ST3GAL3: variants seen among roughly 807,000 people sequenced by gnomAD.
ST3GAL3 encodes CMP-N-acetylneuraminate-beta-1,4-galactoside alpha-2,3-sialyltransferase.
In ST3GAL3, 21 loss-of-function variants were observed where a neutral mutation model predicts 50.1. The observed-to-expected ratio is 0.42, with a 90% CI of 0.30 to 0.60. The LOEUF is 0.60. Among genes scored for constraint, ST3GAL3 ranks in the 20% least tolerant of loss-of-function variants. The probability of loss-of-function intolerance (pLI) is 0.19; values close to 1 mark genes in which losing one functional copy is unlikely to be tolerated. For synonymous variants in ST3GAL3, 183 were observed against 190.0 expected (o/e 0.96, Z 0.30); for missense variants, 353 against 489.4 (o/e 0.72, Z 2.63).
At chr1:43,804,882 T>A (rs1365715375) in intron 3 of ST3GAL3, among the ~76,000 whole-genome samples, 1 of 152,154 alleles carries the variant, frequency 6.6e-6, no homozygotes, top group East Asian at 1.9e-4. Flanking sequence ...GCCCCCTCAC[T>A]GCAAGGGGTG....
chr1:43,727,138 T>C lies in ST3GAL3; in HGVS notation c.-30-9095T>C, dbSNP rs1266987568. 3.3e-5 allele frequency: 5 copies of C among 152,206 alleles called. No homozygotes were observed. In the East Asian group the frequency reaches 9.6e-4, roughly 29 times the overall value. 9.4% of individuals were successfully genotyped at this position (152,206 alleles called of 1,614,324 possible). ...GCTGAATTGCTCCAGATCTGACCAG[T>C]GGGAGCTCCTCAGGCTGATTCCTTT... On this transcript the variant is annotated intron_variant, in intron 1 of 11. Transcript: ENST00000347631.
chr1:43,793,636 G>T (rs1043470146), intron 3 of ST3GAL3, among the ~76,000 whole-genome samples: 2 of 152,146 alleles, frequency 1.3e-5, no homozygotes, highest in African/African-American at 4.8e-5. Flanking sequence ...AAATGCTGAG[G>T]CTATGAGAAG....
intron 5 of ST3GAL3, chr1:43,841,598 C>T (rs2065389934): frequency 6.6e-6 from 1 of 152,170 alleles, no homozygotes; most frequent in Admixed American, 6.5e-5. Flanking sequence ...GGGGTGAGGC[C>T]CTGGGCCTGA....
intron 5 of ST3GAL3, among the ~76,000 whole-genome samples, chr1:43,867,293 G>C (rs997834613): frequency 1.3e-5 from 2 of 152,200 alleles, no homozygotes; most frequent in African/African-American, 4.8e-5. Context: ...TGGGGACACA[G>C]CCAAACCATA....
intron 5 of ST3GAL3, chr1:43,850,788 G>A (rs1444837741): frequency 1.1e-6 from 1 of 888,282 alleles, no homozygotes; most frequent in Non-Finnish European, 1.9e-6. Context: ...AAATTCCAGA[G>A]TCATAGCTTG....
intron 5 of ST3GAL3, among the ~76,000 whole-genome samples, chr1:43,885,068 C>G (rs552481173): frequency 6.6e-6 from 1 of 152,236 alleles, no homozygotes; most frequent in Admixed American, 6.5e-5. Context: ...TCACCTTATA[C>G]GCTGCACCTT....
At chr1:43,882,046 G>A (rs897959836) in intron 5 of ST3GAL3, among the ~76,000 whole-genome samples, 1 of 152,238 alleles carries the variant, frequency 6.6e-6, no homozygotes, top group African/African-American at 2.4e-5. Flanking sequence ...GTGCTACACA[G>A]CCTGCGGGGG....
chr1:43,822,333 A>T (rs774423416), intron 4 of ST3GAL3, among the ~76,000 whole-genome samples: 1 of 152,168 alleles, frequency 6.6e-6, no homozygotes, highest in Non-Finnish European at 1.5e-5. Context: ...TGGAAGTTTC[A>T]TCTATTTCTG....
intron 9 of ST3GAL3, among the ~76,000 whole-genome samples, chr1:43,903,575 G>C (rs984627733): frequency 1.3e-5 from 2 of 152,188 alleles, no homozygotes; most frequent in African/African-American, 4.8e-5. Flanking sequence ...CAGCCCTGCA[G>C]GGGGAAGAGA....
At chr1:43,826,880 G>T (rs1326099290) in intron 4 of ST3GAL3, among the ~76,000 whole-genome samples, 1 of 152,076 alleles carries the variant, frequency 6.6e-6, no homozygotes, top group Non-Finnish European at 1.5e-5. Context: ...AAAACCATTT[G>T]ATACAATCCA....
At chr1:43,828,424 T>C (rs1452818250) in intron 4 of ST3GAL3, among the ~76,000 whole-genome samples, 1 of 152,164 alleles carries the variant, frequency 6.6e-6, no homozygotes, top group Non-Finnish European at 1.5e-5. Context: ...CCAAAACTTG[T>C]ACTCTGTGAA....
chr1:43,825,336 A>G (rs2062647676), intron 4 of ST3GAL3, among the ~76,000 whole-genome samples: 2 of 152,172 alleles, frequency 1.3e-5, no homozygotes, highest in African/African-American at 4.8e-5. Context: ...ATTTTTTCGA[A>G]CTTTCATTAT....
chr1:43,786,482 T>C (rs1488401683), intron 2 of ST3GAL3, among the ~76,000 whole-genome samples: 1 of 152,188 alleles, frequency 6.6e-6, no homozygotes, highest in Non-Finnish European at 1.5e-5. Context: ...CTTGATCTTT[T>C]CTTAGCTTGC....
intron 2 of ST3GAL3, among the ~76,000 whole-genome samples, chr1:43,782,622 T>A (rs1036658810): frequency 6.6e-6 from 1 of 152,170 alleles, no homozygotes; most frequent in Non-Finnish European, 1.5e-5. Context: ...AGCCACACTG[T>A]CATCAACGGT....
intron 2 of ST3GAL3, among the ~76,000 whole-genome samples, chr1:43,777,666 C>G (rs1697790550): frequency 6.6e-6 from 1 of 152,190 alleles, no homozygotes; most frequent in Non-Finnish European, 1.5e-5. Context: ...AGAAGAAAAT[C>G]TAGGCAATAC....
At chr1:43,767,887 A>C (rs1693696753) in intron 2 of ST3GAL3, among the ~76,000 whole-genome samples, 3 of 152,184 alleles carry the variant, frequency 2.0e-5, no homozygotes. Flanking sequence ...ATAACCTATA[A>C]GCATAGAGGG....
Position 43,930,176 on chromosome 1 carries a change from G to C in ST3GAL3, c.1083G>C (p.Lys361Asn). 6.2e-7 allele frequency: 1 copy of C among 1,614,140 alleles called. No homozygotes were observed. Among genetic ancestry groups the C allele is most frequent in the Non-Finnish European group, 8.5e-7 (1 of 1,180,050 alleles). The change falls in exon 12 of 12, where the codon AAG becomes AAC. Residue 361 changes from lysine (K) to asparagine (N), a missense_variant. Lys to Asn is a moderately conservative substitution (Grantham distance 94). Transcript: ENST00000347631. ...AGCGAGAGAAAGAGTTTCTGCGGAA[G>C]CTGGTGAAAGCTCGCGTCATCACTG... is the stretch of plus-strand genomic sequence containing the variant. ...NIQREKEFLRKLVKARVITDL... is the reference protein window; with the variant it reads ...NIQREKEFLRNLVKARVITDL...
At chr1:43,798,940 G>A (rs1297850943) in intron 3 of ST3GAL3, among the ~76,000 whole-genome samples, 1 of 152,178 alleles carries the variant, frequency 6.6e-6, no homozygotes, top group Non-Finnish European at 1.5e-5. Flanking sequence ...AGTGCTTGAG[G>A]TCAAATAAAT....
At chr1:43,770,177 A>G (rs1694536345) in intron 2 of ST3GAL3, among the ~76,000 whole-genome samples, 1 of 148,974 alleles carries the variant, frequency 6.7e-6, no homozygotes, top group African/African-American at 2.5e-5. Flanking sequence ...TCTTTGTAAG[A>G]CTAACTATGA....
Sources: allele counts gnomAD v4.1 joint callset (sites outside exome capture counted in the v4.1 genomes callset), GRCh38; gene constraint gnomAD v4.1.1; transcripts MANE v1.5; gene names NCBI Gene and HGNC (gene_info 2026-07-23, HGNC 2026-07-21).